Variants in SLC44A5 observed in about 807,000 individuals in gnomAD.
The protein encoded by SLC44A5 is choline transporter-like protein 5.
In SLC44A5, 57 loss-of-function variants were observed where a neutral mutation model predicts 101.8. The ratio of observed to expected loss-of-function variants is 0.56; its 90% CI spans 0.45 to 0.70. SLC44A5 has a LOEUF of 0.70. Among genes scored for constraint, SLC44A5 ranks in the 30% least tolerant of loss-of-function variants. The pLI is 0.00. For missense variants in SLC44A5, 737 were observed against 853.1 expected, an observed-to-expected ratio of 0.86 and a Z score of 1.70; for synonymous variants, 281 against 290.9, an observed-to-expected ratio of 0.97 and a Z score of 0.35.
At chr1:75,543,618 CAT>C (rs1209353770) in intron 1 of SLC44A5, among the ~76,000 whole-genome samples, 8 of 145,638 alleles carry the variant, frequency 5.5e-5, no homozygotes, top group Admixed American at 2.1e-4. Context: ...TACACACACA[CAT>C]ATATATACGT....
At chr1:75,661,393 A>AAAAT in the SLC44A5 span, among the ~76,000 whole-genome samples, 1 of 146,174 alleles carries the variant, frequency 6.8e-6, no homozygotes, top group East Asian at 2.0e-4. Context: ...CAAGTAAAAA[A>AAAAT]AAAAAAAAAA....
the SLC44A5 span, among the ~76,000 whole-genome samples, chr1:75,710,888 T>G: frequency 0.032 from 4,823 of 152,282 alleles, 257 homozygotes; most frequent in African/African-American, 0.11. Flanking sequence ...TATAATCATC[T>G]CTATTTGAAG....
chr1:75,498,662 T>C (rs1668794711), intron 2 of SLC44A5, among the ~76,000 whole-genome samples: 1 of 152,202 alleles, frequency 6.6e-6, no homozygotes, highest in Admixed American at 6.5e-5. Flanking sequence ...AAGTCAGACA[T>C]ACTTAGTGAA....
chr1:75,476,377 T>C lies in SLC44A5; in HGVS notation c.13+65058A>G, dbSNP rs1038718584. Among the ~76,000 whole-genome samples, 7 of 152,068 alleles carry C rather than the reference T, an allele frequency of 4.6e-5. No individual in the cohort carries two copies. The South Asian group carries it at 8.3e-4, about 18-fold the overall frequency. ...ATCTGAGGTACCGGGTTCATCTCAC[T>C]AGGGAGTGCCAGACAGTGGGCGCAG... On this transcript the variant is annotated intron_variant, in intron 2 of 23. Coordinates refer to ENST00000370859, the MANE Select transcript of SLC44A5 (RefSeq NM_001130058.2).
At chr1:75,263,494 G>C (rs1171010967) in intron 6 of SLC44A5, among the ~76,000 whole-genome samples, 3 of 152,194 alleles carry the variant, frequency 2.0e-5, no homozygotes, top group Non-Finnish European at 4.4e-5. Context: ...ATGCTGGAGA[G>C]GATGTGGAGA....
chr1:75,472,921 C>T (rs1378710425), intron 2 of SLC44A5, among the ~76,000 whole-genome samples: 1 of 152,180 alleles, frequency 6.6e-6, no homozygotes, highest in Non-Finnish European at 1.5e-5. Context: ...ATATTATAAT[C>T]TTTGTGGGAT....
At chr1:75,344,334 T>C (rs1387221542) in intron 3 of SLC44A5, among the ~76,000 whole-genome samples, 1 of 152,198 alleles carries the variant, frequency 6.6e-6, no homozygotes, top group African/African-American at 2.4e-5. Flanking sequence ...TTGTTGAGCT[T>C]AGGACACTAT....
At chr1:75,299,126 T>G (rs1415625975) in intron 5 of SLC44A5, among the ~76,000 whole-genome samples, 1 of 152,186 alleles carries the variant, frequency 6.6e-6, no homozygotes. Context: ...CTATATTTTG[T>G]GTAAGAAAAT....
chr1:75,233,171 G>A (rs1319430936), intron 12 of SLC44A5, among the ~76,000 whole-genome samples: 2 of 151,966 alleles, frequency 1.3e-5, no homozygotes, highest in African/African-American at 4.8e-5. Flanking sequence ...TGTTTTGGGG[G>A]GATCAAGTTT....
chr1:75,537,033 A>AAAAAAAATAT (rs35829590), intron 2 of SLC44A5, among the ~76,000 whole-genome samples: 4 of 43,008 alleles, frequency 9.3e-5, no homozygotes, highest in Non-Finnish European at 1.2e-4. Flanking sequence ...AAAAAAAAAA[A>AAAAAAAATAT]ATATATATCT....
intron 4 of SLC44A5, among the ~76,000 whole-genome samples, chr1:75,322,465 T>C (rs1656239119): frequency 6.6e-6 from 1 of 152,168 alleles, no homozygotes; most frequent in African/African-American, 2.4e-5. Context: ...GATCATTATA[T>C]GCTGGTGTGT....
chr1:75,323,761 C>T (rs1445971447), intron 4 of SLC44A5, among the ~76,000 whole-genome samples: 3 of 152,146 alleles, frequency 2.0e-5, no homozygotes, highest in Non-Finnish European at 4.4e-5. Flanking sequence ...AGCTCAGTTG[C>T]TTAACATGTT....
chr1:75,453,392 A>T (rs905867056), intron 2 of SLC44A5, among the ~76,000 whole-genome samples: 1 of 152,172 alleles, frequency 6.6e-6, no homozygotes, highest in African/African-American at 2.4e-5. Flanking sequence ...AGTAGTGTTA[A>T]GAGGAAAGTT....
chr1:75,395,527 A>T (rs1662069724), intron 3 of SLC44A5, among the ~76,000 whole-genome samples: 1 of 152,198 alleles, frequency 6.6e-6, no homozygotes. Flanking sequence ...GAAACTGTAA[A>T]ATGCTATCTA....
chr1:75,438,110 C>T (rs759706985), intron 2 of SLC44A5, among the ~76,000 whole-genome samples: 1 of 152,076 alleles, frequency 6.6e-6, no homozygotes, highest in Non-Finnish European at 1.5e-5. Flanking sequence ...ATTCAAAGCC[C>T]AGCTACTCAA....
At chr1:75,595,018 G>A (rs1674556930) in intron 1 of SLC44A5, among the ~76,000 whole-genome samples, 1 of 151,886 alleles carries the variant, frequency 6.6e-6, no homozygotes, top group Non-Finnish European at 1.5e-5. Context: ...GAAGTTTTTA[G>A]TGTGACCATT....
At chr1:75,510,747 G>A (rs1326370774) in intron 2 of SLC44A5, among the ~76,000 whole-genome samples, 2 of 152,138 alleles carry the variant, frequency 1.3e-5, no homozygotes, top group Admixed American at 1.3e-4. Flanking sequence ...AATTCTTAAT[G>A]TGCCTTGATA....
the SLC44A5 span, among the ~76,000 whole-genome samples, chr1:75,683,633 C>A: frequency 1.3e-5 from 2 of 152,110 alleles, no homozygotes; most frequent in Admixed American, 6.6e-5. Flanking sequence ...GGAGGGATAG[C>A]ATTGGGAGAT....
At chr1:75,213,656 T>C (rs1361825185) in intron 22 of SLC44A5, 49 bp downstream of exon 22, 2 of 1,264,152 alleles carry the variant, frequency 1.6e-6, no homozygotes. Context: ...ATCCAGTCTA[T>C]AGTATTTTTA....
Sources: allele counts gnomAD v4.1 joint callset (sites outside exome capture counted in the v4.1 genomes callset), GRCh38; gene constraint gnomAD v4.1.1; transcripts MANE v1.5; gene names NCBI Gene and HGNC (gene_info 2026-07-23, HGNC 2026-07-21).